SLC26A5: variants seen among roughly 807,000 people sequenced by gnomAD.
The protein encoded by SLC26A5 is solute carrier family 26 member 5.
A neutral mutation model predicts 81.0 loss-of-function variants in SLC26A5; 51 were observed. The ratio of observed to expected loss-of-function variants is 0.63; its 90% CI spans 0.50 to 0.80. The LOEUF is 0.80. SLC26A5 is among the 30% of genes least tolerant of loss of function. SLC26A5 has a pLI of 0.00. For missense variants in SLC26A5, 771 were observed against 905.8 expected, an observed-to-expected ratio of 0.85 and a Z score of 1.91; for synonymous variants, 325 against 332.8, an observed-to-expected ratio of 0.98 and a Z score of 0.25.
At chr7:103,369,065 A>C (rs1820877129) in intron 19 of SLC26A5, 2 of 152,214 alleles carry the variant, frequency 1.3e-5, no homozygotes, top group East Asian at 3.8e-4. Flanking sequence ...ATAAGTTGCA[A>C]AATAAGAGTT....
At chr7:103,394,512 T>G (rs1395439190) in intron 9 of SLC26A5, among the ~76,000 whole-genome samples, 3 of 152,142 alleles carry the variant, frequency 2.0e-5, no homozygotes, top group Admixed American at 2.0e-4. Context: ...TGGAACAAGT[T>G]AAGGAAAGTA....
intron 1 of SLC26A5, chr7:103,445,579 G>A (rs535817495): frequency 2.7e-4 from 41 of 152,410 alleles, no homozygotes; most frequent in Admixed American, 2.3e-3. Context: ...GCCCGGCGCT[G>A]AGCGGAGGGC....
In SLC26A5 at chr7:103,374,490, AGTT is replaced by A. The variant is rs1821201900; in HGVS notation, c.2141_2143del (p.Gln714del). On this transcript the variant is annotated inframe_deletion, in exon 20 of 20. Coordinates refer to ENST00000306312, the MANE Select transcript of SLC26A5 (RefSeq NM_198999.3). ...TTCCTGTTCAGCAAGTGCCTCTCTA[AGTT>A]GGCTGCCTAAAACTGCATCATGAAT... 6.2e-7 allele frequency: 1 copy of A among 1,613,836 alleles called. No individual in the cohort carries two copies. Among genetic ancestry groups the A allele is most frequent in the Non-Finnish European group, 8.5e-7 (1 of 1,180,012 alleles).
At chr7:103,353,319 C>G (rs751389353) in intron 19 of SLC26A5, among the ~76,000 whole-genome samples, 5 of 151,350 alleles carry the variant, frequency 3.3e-5, no homozygotes, top group Admixed American at 1.3e-4. Flanking sequence ...TTTTCTTTTT[C>G]TTTTTGAGAT....
At chr7:103,368,480 A>C (rs1820838598) in intron 19 of SLC26A5, 1 of 155,444 alleles carries the variant, frequency 6.4e-6, no homozygotes, top group Non-Finnish European at 1.4e-5. Flanking sequence ...TGGCTCCATT[A>C]CCTATGCTCC....
chr7:103,386,493 G>A (rs1173789249), intron 14 of SLC26A5, among the ~76,000 whole-genome samples: 1 of 151,886 alleles, frequency 6.6e-6, no homozygotes, highest in Non-Finnish European at 1.5e-5. Context: ...AACCCAGGAG[G>A]TGGAGGTTGC....
chr7:103,404,771 A>G (rs1325109770), intron 8 of SLC26A5, among the ~76,000 whole-genome samples: 1 of 152,094 alleles, frequency 6.6e-6, no homozygotes, highest in African/African-American at 2.4e-5. Flanking sequence ...TGTCCTGAAG[A>G]GTGTTTTCCA....
chr7:103,390,303 CT>C, intron 12 of SLC26A5, 125 bp downstream of exon 12: 2 of 915,620 alleles, frequency 2.2e-6, no homozygotes, highest in South Asian at 1.4e-5. Context: ...AGCCTTGGCC[CT>C]TTCTCATACC....
intron 4 of SLC26A5, among the ~76,000 whole-genome samples, chr7:103,414,429 A>G (rs1422204329): frequency 6.6e-6 from 1 of 151,982 alleles, no homozygotes; most frequent in African/African-American, 2.4e-5. Flanking sequence ...TGCCCACCTC[A>G]GCCTCCCAAA....
chr7:103,359,535 G>A (rs1238108245), intron 19 of SLC26A5, among the ~76,000 whole-genome samples: 1 of 151,936 alleles, frequency 6.6e-6, no homozygotes, highest in East Asian at 1.9e-4. Flanking sequence ...TCTACTTTCT[G>A]TTTCTATGAA....
At chr7:103,391,792 G>A in intron 10 of SLC26A5, 57 bp from the exon 11 acceptor site, 1 of 1,319,888 alleles carries the variant, frequency 7.6e-7, no homozygotes. Context: ...GGAAAAAAAA[G>A]CATAATAGCC....
intron 7 of SLC26A5, 74 bp downstream of exon 7, chr7:103,410,309 TAA>T: frequency 7.8e-7 from 1 of 1,278,260 alleles, no homozygotes; most frequent in Admixed American, 1.7e-5. Flanking sequence ...GTCTTGAAAG[TAA>T]AAAGAGATAC....
At chr7:103,394,521 TAAAC>T (rs757579836) in intron 9 of SLC26A5, among the ~76,000 whole-genome samples, 1 of 152,076 alleles carries the variant, frequency 6.6e-6, no homozygotes, top group Non-Finnish European at 1.5e-5. Flanking sequence ...TTAAGGAAAG[TAAAC>T]AAACAAACAA....
chr7:103,399,602 G>C (rs1030958638), intron 8 of SLC26A5, among the ~76,000 whole-genome samples: 2 of 152,074 alleles, frequency 1.3e-5, no homozygotes, highest in African/African-American at 4.8e-5. Flanking sequence ...TATACTTTAA[G>C]TTCTGGGATA....
intron 4 of SLC26A5, among the ~76,000 whole-genome samples, chr7:103,414,168 G>A (rs1824721127): frequency 7.8e-6 from 1 of 128,104 alleles, no homozygotes; most frequent in African/African-American, 3.1e-5. Context: ...TATTTTTACT[G>A]TCTTTGAAGT....
At chr7:103,443,341 C>A (rs1272011618) in intron 1 of SLC26A5, 130 bp from the exon 2 acceptor site, 1 of 152,220 alleles carries the variant, frequency 6.6e-6, no homozygotes, top group African/African-American at 2.4e-5. Flanking sequence ...TTCCAAGGCA[C>A]AGCTACTGCT....
intron 7 of SLC26A5, 64 bp downstream of exon 7, chr7:103,410,321 C>T (rs1824381711): frequency 7.3e-7 from 1 of 1,363,808 alleles, no homozygotes; most frequent in South Asian, 1.2e-5. Flanking sequence ...AAAAGAGATA[C>T]AGAAGAGAAG....
At chr7:103,393,350 C>T (rs940456928) in intron 9 of SLC26A5, among the ~76,000 whole-genome samples, 3 of 152,166 alleles carry the variant, frequency 2.0e-5, no homozygotes, top group African/African-American at 7.2e-5. Flanking sequence ...CTCATGGCAC[C>T]CTGATGGCAA....
chr7:103,423,214 G>C (rs1257389040), intron 2 of SLC26A5, among the ~76,000 whole-genome samples: 1 of 152,092 alleles, frequency 6.6e-6, no homozygotes, highest in African/African-American at 2.4e-5. Context: ...AGAGGTTGCA[G>C]TGAGCTGAGA....
Sources: gnomAD v4.1 joint callset for allele counts (sites outside exome capture counted in the v4.1 genomes callset) on GRCh38, gnomAD v4.1.1 for gene constraint, MANE v1.5 for transcripts, NCBI Gene and HGNC (gene_info 2026-07-23, HGNC 2026-07-21) for gene names.